Variants in PPP1CC observed in about 807,000 individuals in gnomAD.
PPP1CC encodes the protein serine/threonine-protein phosphatase PP1-gamma catalytic subunit.
Under a neutral mutation model 38.4 loss-of-function variants are expected in PPP1CC, and 16 were observed. The ratio of observed to expected loss-of-function variants is 0.42; its 90% confidence interval spans 0.28 to 0.63. The LOEUF is 0.63. PPP1CC is among the 30% of genes least tolerant of loss of function. The probability of loss-of-function intolerance (pLI) is 0.25; values close to 1 mark genes in which losing one functional copy is unlikely to be tolerated. For missense variants in PPP1CC, 170 were observed against 391.3 expected (o/e 0.43, Z 4.77); for synonymous variants, 158 against 136.0 (o/e 1.16, Z -1.13).
At chr12:110,717,176 G>T (rs964205434), downstream of PPP1CC, among the ~76,000 whole-genome samples, 1 of 152,138 alleles carries the variant, frequency 6.6e-6, no homozygotes, top group Non-Finnish European at 1.5e-5. Flanking sequence ...CAATCCCATC[G>T]TTAAGTATTC....
At chr12:110,738,006 T>C (rs533570916) in intron 1 of PPP1CC, among the ~76,000 whole-genome samples, 3 of 152,288 alleles carry the variant, frequency 2.0e-5, no homozygotes, top group South Asian at 4.1e-4. Flanking sequence ...ATAAAGCATC[T>C]TGAGTTTTCT....
rs112726667 is a variant in PPP1CC at position 110,739,164 on chromosome 12, G to A, written c.55+3489C>T. On this transcript the variant is annotated intron_variant, in intron 1 of 6. Transcript: ENST00000335007. The stretch of plus-strand genomic sequence containing the variant: ...CTACTAAAAATACAAAAACTTGGCC[G>A]AGCGTGGTGGTGCATGCCTGTTAAT... Among the ~76,000 whole-genome samples, 242 of 152,110 alleles carry A rather than the reference G, an allele frequency of 1.6e-3. 1 individual carries two copies. Among genetic ancestry groups the A allele is most frequent in the African/African-American group, 5.4e-3 (223 of 41,496 alleles).
chr12:110,727,041 G>T (rs542643135), intron 3 of PPP1CC, among the ~76,000 whole-genome samples: 104 of 152,286 alleles, frequency 6.8e-4, no homozygotes, highest in African/African-American at 2.4e-3. Context: ...AGGTTCCAGT[G>T]ATTTTCCTGC....
At chr12:110,729,739 T>C (rs1361026968) in intron 3 of PPP1CC, among the ~76,000 whole-genome samples, 1 of 152,194 alleles carries the variant, frequency 6.6e-6, no homozygotes, top group Non-Finnish European at 1.5e-5. Flanking sequence ...CATGCAATAT[T>C]CTCTAGAAAA....
chr12:110,732,796 G>T (rs1343742663), intron 1 of PPP1CC: 1 of 152,178 alleles, frequency 6.6e-6, no homozygotes, highest in Non-Finnish European at 1.5e-5. Flanking sequence ...TACAAACTTT[G>T]CAACAGAACT....
intron 1 of PPP1CC, among the ~76,000 whole-genome samples, chr12:110,740,020 A>G (rs2069998068): frequency 6.6e-6 from 1 of 152,220 alleles, no homozygotes; most frequent in Non-Finnish European, 1.5e-5. Flanking sequence ...GCTTACAGAA[A>G]TACTCAGAGT....
At chr12:110,710,509 A>G in the PPP1CC span, among the ~76,000 whole-genome samples, 7 of 151,174 alleles carry the variant, frequency 4.6e-5, no homozygotes, top group Admixed American at 2.0e-4. Flanking sequence ...ACAAGGTCAG[A>G]AGATTGAGAC....
In PPP1CC at chr12:110,742,695, C is replaced by G. The variant is rs1451274765; in HGVS notation, c.13G>C (p.Asp5His). 6.9e-7 allele frequency: 1 copy of G among 1,459,688 alleles called. No individual in the cohort carries two copies. Among genetic ancestry groups the G allele is most frequent in the Non-Finnish European group, 9.1e-7 (1 of 1,095,858 alleles). The allele number at this position is 1,459,688 out of a possible 1,614,324, so 90.4% of individuals were successfully genotyped here. A position where few individuals can be genotyped will look rare whatever the true frequency, so the allele number is the denominator to read the frequency against. The change falls in exon 1 of 7, where the codon GAT (aspartate) becomes CAT (histidine). Residue 5 changes from aspartate to histidine, a missense_variant. This residue lies in a region of PPP1CC where 30 missense variants were observed against 23.0 expected (regional missense o/e 1.30). Coordinates refer to ENST00000335007, the MANE Select transcript of PPP1CC (RefSeq NM_002710.4). ...ATAATGCTGTCGATGTTGAGTTTAT[C>G]TAAATCCGCCATCGCCTTCCCACCG... Reference protein sequence around the residue: MADLDKLNIDSIIQR... With the variant: MADLHKLNIDSIIQR...
chr12:110,719,025 T>A (rs1193841767), downstream of PPP1CC, among the ~76,000 whole-genome samples: 1 of 152,112 alleles, frequency 6.6e-6, no homozygotes, highest in Non-Finnish European at 1.5e-5. Context: ...AATGATATAA[T>A]CCTAGTAGAG....
At chr12:110,714,805 CAAAAAAAA>C (rs1164975036), downstream of PPP1CC, among the ~76,000 whole-genome samples, 3 of 22,064 alleles carry the variant, frequency 1.4e-4, no homozygotes, top group African/African-American at 3.6e-4. Context: ...GACTCTGTCT[CAAAAAAAA>C]AAAAAAAAAA....
chr12:110,709,292 C>A, the PPP1CC span, among the ~76,000 whole-genome samples: 8 of 146,136 alleles, frequency 5.5e-5, no homozygotes, highest in African/African-American at 2.0e-4. Flanking sequence ...TGCAGTATCG[C>A]GATCCCGGCT....
the PPP1CC span, among the ~76,000 whole-genome samples, chr12:110,708,665 A>G: frequency 6.6e-6 from 1 of 151,988 alleles, no homozygotes; most frequent in Non-Finnish European, 1.5e-5. Context: ...CTTGGCCAAC[A>G]TGGTGAAACC....
downstream of PPP1CC, among the ~76,000 whole-genome samples, chr12:110,718,543 A>G (rs1012619380): frequency 6.6e-6 from 1 of 152,232 alleles, no homozygotes; most frequent in African/African-American, 2.4e-5. Flanking sequence ...TGCAAAGCAA[A>G]GCAAAGGCAA....
At chr12:110,711,249 T>C in the PPP1CC span, among the ~76,000 whole-genome samples, 1 of 152,128 alleles carries the variant, frequency 6.6e-6, no homozygotes, top group African/African-American at 2.4e-5. Context: ...TATTTCTCTT[T>C]CTATGAAGCT....
At chr12:110,710,436 A>ATTTTTGTTTTGAAAAACAAAAATATTTTT in the PPP1CC span, among the ~76,000 whole-genome samples, 2 of 146,872 alleles carry the variant, frequency 1.4e-5, no homozygotes, top group African/African-American at 5.4e-5. Flanking sequence ...AACAAAAATT[A>ATTTTTGTTTTGAAAAACAAAAATATTTTT]GGCTGGGTGC....
chr12:110,721,357 T>C, intron 6 of PPP1CC, 192 bp from the exon 7 acceptor site: 1 of 491,236 alleles, frequency 2.0e-6, no homozygotes, highest in Non-Finnish European at 3.7e-6. Context: ...GACGAACAGA[T>C]AAAATCTATT....
At chr12:110,731,961 T>C (rs889759784) in intron 1 of PPP1CC, 60 bp from the exon 2 acceptor site, 1 of 1,573,648 alleles carries the variant, frequency 6.4e-7, no homozygotes, top group Non-Finnish European at 8.7e-7. Flanking sequence ...CAATACGAGA[T>C]TTAGATAAAG....
chr12:110,736,480 C>A (rs1459682516), intron 1 of PPP1CC, among the ~76,000 whole-genome samples: 1 of 151,872 alleles, frequency 6.6e-6, no homozygotes, highest in East Asian at 1.9e-4. Context: ...TGAGTCTCTA[C>A]CAAAAATACA....
chr12:110,709,171 C>A, the PPP1CC span, among the ~76,000 whole-genome samples: 7 of 152,204 alleles, frequency 4.6e-5, no homozygotes, highest in African/African-American at 1.7e-4. Flanking sequence ...ACAAACACTT[C>A]AGATATTGGA....
Sources: allele counts gnomAD v4.1 joint callset (sites outside exome capture counted in the v4.1 genomes callset), GRCh38; gene constraint gnomAD v4.1.1; regional missense constraint gnomAD v4.1.1; transcripts MANE v1.5; gene names NCBI Gene and HGNC (gene_info 2026-07-23, HGNC 2026-07-21).